Variants in ZNF516 observed in about 807,000 individuals in gnomAD.
ZNF516 encodes the protein zinc finger protein 516.
ZNF516 carries 19 observed loss-of-function variants against 79.7 expected under a neutral mutation model. That is an observed-to-expected ratio of 0.24 (90% CI 0.17 to 0.35). The LOEUF (loss-of-function observed/expected upper bound fraction) is 0.35, where lower values mean the gene tolerates loss of function less well. Ranked by LOEUF, ZNF516 falls within the 10% of genes least tolerant of loss-of-function variation. The pLI is 1.00. For missense variants in ZNF516, 1,678 were observed against 1,679.5 expected (o/e 1.00, Z 0.02); for synonymous variants, 877 against 739.5 (o/e 1.19, Z -3.02).
At chr18:76,485,097 C>A (rs2145804210) in intron 1 of ZNF516, among the ~76,000 whole-genome samples, 1 of 152,284 alleles carries the variant, frequency 6.6e-6, no homozygotes, top group South Asian at 2.1e-4. Context: ...TTGCTTGCCT[C>A]TCATTTTAAA....
rs982695893 is a variant in ZNF516 at position 76,490,096 on chromosome 18, C to T, written c.-272+5048G>A. The T allele has an allele frequency of 3.3e-6, 3 of 911,002 alleles. No individual in the cohort carries two copies. In the Admixed American group the frequency reaches 1.9e-4, roughly 56 times the overall value. The allele number at this position is 911,002 out of a possible 1,614,324, so 56.4% of individuals were successfully genotyped here. ...CATTAGACATGCTTGTGCCTTAACA[C>T]ACCAAAATTCAAATTCAATTACCAA... On this transcript the variant is annotated intron_variant, in intron 1 of 6. Coordinates refer to ENST00000443185, the MANE Select transcript of ZNF516 (RefSeq NM_014643.4).
At chr18:76,375,426 G>C (rs1252730978) in intron 4 of ZNF516, among the ~76,000 whole-genome samples, 1 of 151,856 alleles carries the variant, frequency 6.6e-6, no homozygotes, top group African/African-American at 2.4e-5. Context: ...GATGGGGAAG[G>C]TCCCAGAGAC....
chr18:76,475,283 C>T (rs907431446), intron 1 of ZNF516, among the ~76,000 whole-genome samples: 1 of 152,102 alleles, frequency 6.6e-6, no homozygotes, highest in Non-Finnish European at 1.5e-5. Flanking sequence ...TTAAGAAATC[C>T]TCATAATCAC....
At position 76,379,219 on chromosome 18, in the gene ZNF516, T is replaced by A. The variant is rs1194092712; in HGVS notation, c.2895A>T (p.Thr965=). 1.2e-6 allele frequency: 2 copies of A among 1,612,826 alleles called. No homozygotes were observed. The highest frequency in any genetic ancestry group is 2.2e-5 in the East Asian group (1 of 44,852). ...GGGAGTCCGGGGCACTGTGCTTATT[T>A]GTGGGGGCAAAGCCAGCCCCCGCTG... ...VPPAGAGFAP[T]NKHSAPDSLK... The change falls in exon 4 of 7, where the codon ACA becomes ACT. Residue 965 remains threonine (T), a synonymous_variant. Coordinates refer to ENST00000443185, the MANE Select transcript of ZNF516 (RefSeq NM_014643.4).
At chr18:76,418,879 G>A (rs1178109887) in intron 3 of ZNF516, among the ~76,000 whole-genome samples, 1 of 152,268 alleles carries the variant, frequency 6.6e-6, no homozygotes, top group Non-Finnish European at 1.5e-5. Context: ...GATAAGCAAA[G>A]GAATGGAAGC....
At chr18:76,415,869 G>T (rs551308032) in intron 3 of ZNF516, among the ~76,000 whole-genome samples, 1 of 152,250 alleles carries the variant, frequency 6.6e-6, no homozygotes, top group South Asian at 2.1e-4. Context: ...GTGTATCTTC[G>T]AAAGTTAGCA....
intron 3 of ZNF516, among the ~76,000 whole-genome samples, chr18:76,416,303 G>A (rs564832748): frequency 1.3e-5 from 2 of 152,336 alleles, no homozygotes; most frequent in Admixed American, 1.3e-4. Flanking sequence ...AAGCGCCCTG[G>A]CCTTCACCAC....
chr18:76,379,411 T>C lies in ZNF516; in HGVS notation c.2703A>G (p.Thr901=), dbSNP rs774778368. The change falls in exon 4 of 7, where the codon ACA becomes ACG. Residue 901 remains threonine (T), a synonymous_variant. Transcript: ENST00000443185. The stretch of plus-strand genomic sequence containing the variant: ...GCCTGGGCTTGGCCAGGGGCCCCTG[T>C]GTGGCCGCGCCATGTGGCTCCTGGC... ...CHGQEPHGAA[T]QGPLAKPRQE... is the part of the protein sequence containing the mutation. The C allele has an allele frequency of 5.6e-6, 9 of 1,608,232 alleles. No homozygotes were observed. In the Admixed American group the frequency reaches 1.0e-4, roughly 18 times the overall value.
chr18:76,483,368 T>G (rs917955635), intron 1 of ZNF516, among the ~76,000 whole-genome samples: 3 of 152,172 alleles, frequency 2.0e-5, no homozygotes, highest in Admixed American at 6.5e-5. Flanking sequence ...TCTTGTCCCC[T>G]GGCACCAAAG....
At position 76,485,916 on chromosome 18, in the gene ZNF516, A is replaced by AAATAATAATAATAATAAT. The variant is rs147558930; in HGVS notation, c.-272+9227_-272+9228insATTATTATTATTATTATT. ...GACAAAAGCTGAGTCTTTTTGACAA[A>AAATAATAATAATAATAAT]AATAATAATAATAATAAACATACTT... On this transcript the variant is annotated intron_variant, in intron 1 of 6. Coordinates refer to ENST00000443185, the MANE Select transcript of ZNF516 (RefSeq NM_014643.4). Among the ~76,000 whole-genome samples, 915 of 148,458 alleles carry AAATAATAATAATAATAAT rather than the reference A, an allele frequency of 6.2e-3. 5 individuals are homozygous for AAATAATAATAATAATAAT. The highest frequency in any genetic ancestry group is 0.011 in the African/African-American group (445 of 40,922).
chr18:76,441,139 G>C (rs548987262), intron 3 of ZNF516, 106 bp downstream of exon 3: 13 of 1,430,812 alleles, frequency 9.1e-6, no homozygotes, highest in African/African-American at 8.6e-5. Context: ...GGGCCACCGG[G>C]TAAGGGGCTA....
chr18:76,382,110 C>A (rs1266002590), intron 3 of ZNF516, among the ~76,000 whole-genome samples: 1 of 151,944 alleles, frequency 6.6e-6, no homozygotes, highest in Admixed American at 6.6e-5. Flanking sequence ...CCAGCCTGGG[C>A]AACAGAGCAA....
intron 6 of ZNF516, 149 bp downstream of exon 6, chr18:76,370,379 G>T (rs748330071): frequency 1.3e-6 from 1 of 763,722 alleles, no homozygotes; most frequent in Non-Finnish European, 2.0e-6. Flanking sequence ...GGCCCCGAAG[G>T]GTCAGGTTCC....
chr18:76,387,131 C>G (rs1352217426), intron 3 of ZNF516: 1 of 152,302 alleles, frequency 6.6e-6, no homozygotes, highest in Non-Finnish European at 1.5e-5. Flanking sequence ...ACACAGCCAC[C>G]GTGGGACGAG....
chr18:76,409,853 A>C (rs919135284), intron 3 of ZNF516, among the ~76,000 whole-genome samples: 4 of 152,170 alleles, frequency 2.6e-5, no homozygotes, highest in African/African-American at 9.7e-5. Flanking sequence ...TCCCCACCCA[A>C]ATCTCACCTT....
intron 2 of ZNF516, among the ~76,000 whole-genome samples, chr18:76,456,857 TTTC>T (rs1435787221): frequency 6.6e-6 from 1 of 152,242 alleles, no homozygotes; most frequent in African/African-American, 2.4e-5. Context: ...CTGCTTTCAA[TTTC>T]TTGTTTTACG....
intron 3 of ZNF516, among the ~76,000 whole-genome samples, chr18:76,416,346 T>G (rs900979614): frequency 4.6e-5 from 7 of 152,212 alleles, no homozygotes; most frequent in African/African-American, 1.7e-4. Flanking sequence ...TCCCCAAGTC[T>G]GTGAGAATGC....
At chr18:76,492,813 G>A (rs1363261944) in intron 1 of ZNF516, 88 of 986,044 alleles carry the variant, frequency 8.9e-5, no homozygotes, top group Non-Finnish European at 1.0e-4. Context: ...AACGTTCGGA[G>A]GGGGAGGCGC....
chr18:76,379,276 A>G lies in ZNF516; in HGVS notation c.2838T>C (p.Asn946=), dbSNP rs2145020916. The change falls in exon 4 of 7, where the codon AAT becomes AAC. Residue 946 remains asparagine, a synonymous_variant. Coordinates refer to ENST00000443185, the MANE Select transcript of ZNF516 (RefSeq NM_014643.4). ...CCCCAAACTTCTCCACAGGCTTGCTATTGGCCGAGGGCTGCGCGCCAGCCC... is the reference window on the plus strand; with the variant it reads ...CCCCAAACTTCTCCACAGGCTTGCTGTTGGCCGAGGGCTGCGCGCCAGCCC... ...IARAGAQPSA[N]SKPVEKFGVP... The G allele has an allele frequency of 3.7e-6, 6 of 1,612,128 alleles. No homozygotes were observed. Among genetic ancestry groups the G allele is most frequent in the Non-Finnish European group, 5.1e-6 (6 of 1,179,430 alleles).
Sources: gnomAD v4.1 joint callset for allele counts (sites outside exome capture counted in the v4.1 genomes callset) on GRCh38, gnomAD v4.1.1 for gene constraint, MANE v1.5 for transcripts, NCBI Gene and HGNC (gene_info 2026-07-23, HGNC 2026-07-21) for gene names.